Variants in TADA2A observed in about 807,000 individuals in gnomAD.
The protein encoded by TADA2A is transcriptional adaptor 2A, also known as transcriptional adapter 2-alpha.
In TADA2A, 38 loss-of-function variants were observed where a neutral mutation model predicts 67.4. The observed-to-expected ratio is 0.56, with a 90% confidence interval of 0.44 to 0.74. TADA2A has a LOEUF of 0.74. TADA2A is among the 30% of genes least tolerant of loss of function. The pLI is 0.00. For missense variants in TADA2A, 454 were observed against 547.0 expected (o/e 0.83, Z 1.70); for synonymous variants, 192 against 181.6 (o/e 1.06, Z -0.46).
intron 15 of TADA2A, among the ~76,000 whole-genome samples, chr17:37,476,191 T>A (rs1304943604): frequency 1.3e-5 from 2 of 152,208 alleles, no homozygotes; most frequent in Admixed American, 6.5e-5. Flanking sequence ...AAGCTTTTTT[T>A]ATCCTTACCC....
In TADA2A at chr17:37,418,922, G is replaced by C. The variant is rs897555810; in HGVS notation, c.26-4587G>C. Among the ~76,000 whole-genome samples, 101 of 128,090 alleles carry C rather than the reference G, an allele frequency of 7.9e-4. 6 individuals carry two copies. The Admixed American group carries it at 7.9e-3, about 10-fold the overall frequency. 84.0% of individuals were successfully genotyped at this position (128,090 alleles called of 152,430 possible). On this transcript the variant is annotated intron_variant, in intron 2 of 15. Transcript: ENST00000615182. ...TTTTTATTATTTTTGGTAGAAGCAG[G>C]GTCTTGCAGTATTGCCCAGGGTGGT... is the stretch of plus-strand genomic sequence containing the variant.
At chr17:37,427,089 C>G in intron 4 of TADA2A, 80 bp downstream of exon 4, 1 of 1,263,120 alleles carries the variant, frequency 7.9e-7, no homozygotes, top group Non-Finnish European at 1.1e-6. Flanking sequence ...TTCCATTTTT[C>G]TTTAAGCTCT....
intron 2 of TADA2A, among the ~76,000 whole-genome samples, chr17:37,416,109 TCTCC>T: frequency 6.7e-6 from 1 of 150,200 alleles, no homozygotes; most frequent in East Asian, 1.9e-4. Context: ...GGTCTTTTAT[TCTCC>T]CTCTCAATTT....
chr17:37,408,768 A>G lies in TADA2A; in HGVS notation c.-98+1819A>G, dbSNP rs548847807. Reference sequence around the variant, plus strand: ...TATTTGATTGCTGCGTTCGTAATACACCCTTGCTAGACTCATTTTTCTTCA... The same window carrying G: ...TATTTGATTGCTGCGTTCGTAATACGCCCTTGCTAGACTCATTTTTCTTCA... On this transcript the variant is annotated intron_variant, in intron 1 of 15. Transcript: ENST00000615182. Among the ~76,000 whole-genome samples the G allele has an allele frequency of 1.2e-4, 19 of 152,230 alleles. 1 individual carries two copies. In the East Asian group the frequency reaches 3.7e-3, roughly 29 times the overall value.
At chr17:37,439,200 C>T (rs1022906350) in intron 5 of TADA2A, among the ~76,000 whole-genome samples, 1 of 152,096 alleles carries the variant, frequency 6.6e-6, no homozygotes, top group African/African-American at 2.4e-5. Context: ...CTCCTGGGCT[C>T]AAGGGATCTT....
chr17:37,457,491 C>CTTTTTT (rs71135729), intron 8 of TADA2A, among the ~76,000 whole-genome samples: 11 of 72,408 alleles, frequency 1.5e-4, no homozygotes, highest in Non-Finnish European at 2.2e-4. Flanking sequence ...AACATTAATT[C>CTTTTTT]TTTTTTTTTT....
chr17:37,422,074 A>T lies in TADA2A; in HGVS notation c.26-1435A>T, dbSNP rs146703540. On this transcript the variant is annotated intron_variant, in intron 2 of 15. Coordinates refer to ENST00000615182, the MANE Select transcript of TADA2A (RefSeq NM_001166105.3). ...TTTTGTTTTTTTTTTGAGACAGAGT[A>T]AGACTCTGTCGCCCAGGCTGGAGTG... 2.9e-5 allele frequency among the ~76,000 whole-genome samples: 4 copies of T among 139,330 alleles called. 1 individual carries two copies. The highest frequency in any genetic ancestry group is 1.0e-4 in the African/African-American group (4 of 38,834). 91.4% of individuals were successfully genotyped at this position (139,330 alleles called of 152,430 possible). A position where few individuals can be genotyped will look rare whatever the true frequency, so the allele number is the denominator to read the frequency against.
chr17:37,424,884 CAG>C (rs1236844453), intron 3 of TADA2A, among the ~76,000 whole-genome samples: 1 of 149,482 alleles, frequency 6.7e-6, no homozygotes, highest in South Asian at 2.1e-4. Flanking sequence ...TTTTCCACGA[CAG>C]AGTCTTGCTC....
At chr17:37,453,502 C>G (rs756685194) in intron 8 of TADA2A, among the ~76,000 whole-genome samples, 3 of 152,148 alleles carry the variant, frequency 2.0e-5, no homozygotes, top group Non-Finnish European at 2.9e-5. Context: ...GGAGCTAGAA[C>G]AGGCAGAAGG....
At chr17:37,452,010 T>A (rs2053247313) in intron 8 of TADA2A, among the ~76,000 whole-genome samples, 1 of 151,450 alleles carries the variant, frequency 6.6e-6, no homozygotes, top group Non-Finnish European at 1.5e-5. Context: ...CACAAAAATG[T>A]TTTGTTAAAA....
At position 37,422,481 on chromosome 17, in the gene TADA2A, GATTATTATTATT is replaced by G. The variant is rs60163170; in HGVS notation, c.26-997_26-986del. Among the ~76,000 whole-genome samples, 307 of 136,974 alleles carry G rather than the reference GATTATTATTATT, an allele frequency of 2.2e-3. 1 individual carries two copies. The highest frequency in any genetic ancestry group is 7.8e-3 in the African/African-American group (286 of 36,640). 89.9% of individuals were successfully genotyped at this position (136,974 alleles called of 152,430 possible). A position where few individuals can be genotyped will look rare whatever the true frequency, so the allele number is the denominator to read the frequency against. On this transcript the variant is annotated intron_variant, in intron 2 of 15. Transcript: ENST00000615182. ...CAGGCGTGAGCCACCATGCCCAGCT[GATTATTATTATT>G]ATTATTATTATTATTATTATTATTA...
intron 4 of TADA2A, among the ~76,000 whole-genome samples, chr17:37,427,898 C>T (rs1378900532): frequency 1.3e-5 from 2 of 151,978 alleles, no homozygotes; most frequent in Admixed American, 1.3e-4. Context: ...AGGAGAATCG[C>T]TTGAACCCAG....
At chr17:37,475,165 AT>A (rs909085530) in intron 15 of TADA2A, among the ~76,000 whole-genome samples, 2 of 151,002 alleles carry the variant, frequency 1.3e-5, no homozygotes, top group Admixed American at 1.3e-4. Flanking sequence ...TTTTATTTTT[AT>A]TTTTTTTTAT....
At chr17:37,415,228 T>C (rs1384105985) in intron 2 of TADA2A, among the ~76,000 whole-genome samples, 1 of 152,182 alleles carries the variant, frequency 6.6e-6, no homozygotes, top group East Asian at 1.9e-4. Flanking sequence ...ATGTGTTCTT[T>C]TGTACTTTTA....
chr17:37,470,619 G>A, intron 13 of TADA2A, 87 bp downstream of exon 13: 1 of 1,351,088 alleles, frequency 7.4e-7, no homozygotes, highest in Non-Finnish European at 9.8e-7. Flanking sequence ...AGATGGCAGA[G>A]TAATAATAAT....
intron 7 of TADA2A, 73 bp downstream of exon 7, chr17:37,442,725 C>G: frequency 7.4e-7 from 1 of 1,352,808 alleles, no homozygotes; most frequent in South Asian, 1.2e-5. Context: ...CTGTCTCACC[C>G]ATAGATTCCA....
In TADA2A at chr17:37,456,491, G is replaced by A. The variant is rs542854329; in HGVS notation, c.605-2033G>A. Among the ~76,000 whole-genome samples, 48 of 152,312 alleles carry A rather than the reference G, an allele frequency of 3.2e-4. No individual in the cohort carries two copies. In the South Asian group the frequency reaches 7.9e-3, roughly 25 times the overall value. ...GCTAGGGAATAGGATTAGGGATGAA[G>A]GGATGAATTTGAGAGATGTAAGCGT... On this transcript the variant is annotated intron_variant, in intron 8 of 15. Transcript: ENST00000615182.
In TADA2A at chr17:37,471,121, A is replaced by G. The variant is rs1007907672; in HGVS notation, c.1056A>G (p.Pro352=). Residue 352 remains proline (P), a synonymous_variant, in exon 14 of 16, where the codon CCA becomes CCG. Transcript: ENST00000615182. ...ATTCCGGCCTGAGTCCTTCCATTCC[A>G]ATGGCTTCGAATTCAGGTAATTATT... ...DIDSGLSPSI[P]MASNSGRRSA... is the part of the protein sequence containing the mutation. 3.1e-6 allele frequency: 5 copies of G among 1,613,998 alleles called. No homozygotes were observed. In the Admixed American group the frequency reaches 6.7e-5, roughly 22 times the overall value.
At chr17:37,432,177 T>TA (rs967150737) in intron 4 of TADA2A, among the ~76,000 whole-genome samples, 12 of 151,854 alleles carry the variant, frequency 7.9e-5, no homozygotes, top group Non-Finnish European at 1.5e-4. Context: ...TTTATTTATT[T>TA]TTTTTTTGTG....
Sources: gnomAD v4.1 joint callset for allele counts (sites outside exome capture counted in the v4.1 genomes callset) on GRCh38, gnomAD v4.1.1 for gene constraint, MANE v1.5 for transcripts, NCBI Gene and HGNC (gene_info 2026-07-23, HGNC 2026-07-21) for gene names.